CAMSAP3: variants seen among roughly 807,000 people sequenced by gnomAD.
CAMSAP3 encodes calmodulin regulated spectrin associated protein family member 3, also known as calmodulin-regulated spectrin-associated protein 3.
CAMSAP3 carries 34 observed loss-of-function variants against 112.5 expected under a neutral mutation model. That is an observed-to-expected ratio of 0.30 (90% CI 0.23 to 0.40). CAMSAP3 has a LOEUF of 0.40. Ranked by LOEUF, CAMSAP3 falls within the 10% of genes least tolerant of loss-of-function variation. CAMSAP3 has a pLI of 1.00. For missense variants in CAMSAP3, 1,602 were observed against 1,770.3 expected (o/e 0.90, Z 1.71); for synonymous variants, 868 against 799.8 (o/e 1.09, Z -1.44).
At chr19:7,609,891 G>A (rs2030386815) in intron 5 of CAMSAP3, among the ~76,000 whole-genome samples, 1 of 152,140 alleles carries the variant, frequency 6.6e-6, no homozygotes, top group Admixed American at 6.5e-5. Context: ...GACGGAAGCG[G>A]GGTTCGGGTG....
At position 7,612,784 on chromosome 19, in the gene CAMSAP3, C is replaced by T. The variant is rs1383674276; in HGVS notation, c.2291C>T (p.Pro764Leu). ...AASPSPARRV[P>L]ATRRSPGPGP... Reference sequence around the variant, plus strand: ...TCCCCCAGCCCCGCCCGGCGAGTCCCGGCCACCCGGCGCAGCCCTGGGCCC... The same window carrying T: ...TCCCCCAGCCCCGCCCGGCGAGTCCTGGCCACCCGGCGCAGCCCTGGGCCC... Residue 764 changes from proline (P) to leucine (L), a missense_variant, in exon 11 of 17, where the codon CCG (proline) becomes CTG (leucine). Pro to Leu is a moderately conservative substitution (Grantham distance 98). This residue lies in a region of CAMSAP3 where 1,100 missense variants were observed against 1,135.7 expected (regional missense o/e 0.97). Coordinates refer to ENST00000160298, the MANE Select transcript of CAMSAP3 (RefSeq NM_020902.2). 2.3e-5 allele frequency: 36 copies of T among 1,533,458 alleles called. No homozygotes were observed. The highest frequency in any genetic ancestry group is 4.2e-5 in the African/African-American group (3 of 71,930). The allele number at this position is 1,533,458 out of a possible 1,614,324, so 95.0% of individuals were successfully genotyped here.
chr19:7,611,441 GGTT>G lies in CAMSAP3; in HGVS notation c.1124-73_1124-71del. 7.1e-7 allele frequency: 1 copy of G among 1,399,998 alleles called. No individual in the cohort carries two copies. The allele number at this position is 1,399,998 out of a possible 1,614,324, so 86.7% of individuals were successfully genotyped here. On this transcript the variant is annotated intron_variant, in intron 9 of 16. Transcript: ENST00000160298. This position sits in a 1 kb window ranked among gnomAD's most constrained non-coding sequence, Gnocchi z 6.9. ...GTGACTCACCCAATGACCTTGCAGA[GGTT>G]GTCCCCAGATGCTGGCTGACCCCAC... is the stretch of plus-strand genomic sequence containing the variant.
At chr19:7,616,953 T>TTTG (rs1555763718) in intron 14 of CAMSAP3, among the ~76,000 whole-genome samples, 3,289 of 131,260 alleles carry the variant, frequency 0.025, 21 homozygotes, top group Non-Finnish European at 0.042. Context: ...TTTTTTTTTT[T>TTTG]TTTTTGTTTT....
At chr19:7,597,540 G>A (rs1368954185) in intron 1 of CAMSAP3, among the ~76,000 whole-genome samples, 1 of 152,174 alleles carries the variant, frequency 6.6e-6, no homozygotes, top group East Asian at 1.9e-4. Context: ...TATCTGTTTT[G>A]CGAATGTTTG....
chr19:7,618,186 T>TCTGA lies in CAMSAP3; in HGVS notation c.*132_*135dup. On this transcript the variant is annotated 3_prime_UTR_variant, in exon 17 of 17. Coordinates refer to ENST00000160298, the MANE Select transcript of CAMSAP3 (RefSeq NM_020902.2). ...CTGGGTGGGGCTGGAGTCTCCACCC[T>TCTGA]CTGACTTTGAGTCCAGTCCTGCTGT... 9.5e-7 allele frequency: 1 copy of TCTGA among 1,052,486 alleles called. No individual in the cohort carries two copies. Among genetic ancestry groups the TCTGA allele is most frequent in the Non-Finnish European group, 1.3e-6 (1 of 742,958 alleles). The allele number at this position is 1,052,486 out of a possible 1,614,324, so 65.2% of individuals were successfully genotyped here.
At chr19:7,606,140 C>CG in intron 2 of CAMSAP3, 131 bp from the exon 3 acceptor site, 11 of 451,816 alleles carry the variant, frequency 2.4e-5, no homozygotes, top group South Asian at 8.2e-5. Flanking sequence ...CCACTGGCCC[C>CG]GCCCCCTCAA....
At position 7,612,491 on chromosome 19, in the gene CAMSAP3, GC is replaced by G. The variant is rs2030552453; in HGVS notation, c.2001del (p.Ala668GlnfsTer15). On this transcript the variant is annotated frameshift_variant, in exon 11 of 17. Coordinates refer to ENST00000160298, the MANE Select transcript of CAMSAP3 (RefSeq NM_020902.2). LOFTEE classifies it high-confidence loss of function. ...DSGPVPGGER[P>X]AGEGQGEPTS... ...CCGGTCCAGTCCCTGGTGGGGAGCG[GC>G]CCGCAGGCGAGGGCCAGGGTGAGCC... The G allele has an allele frequency of 6.5e-7, 1 of 1,550,252 alleles. No homozygotes were observed.
chr19:7,606,898 G>T, intron 4 of CAMSAP3: 2 of 1,441,284 alleles, frequency 1.4e-6, no homozygotes, highest in South Asian at 1.1e-5. Context: ...CTGTCTGCGC[G>T]CCCTCTCATA....
chr19:7,599,724 A>T (rs1454419813), intron 1 of CAMSAP3, among the ~76,000 whole-genome samples: 1 of 84,820 alleles, frequency 1.2e-5, no homozygotes, highest in Admixed American at 1.5e-4. Context: ...ACACTCATCC[A>T]TCCACCCACC....
rs1475982826 is a variant in CAMSAP3 at position 7,612,553 on chromosome 19, A to C, written c.2060A>C (p.Asp687Ala). Reference protein sequence around the residue: ...SRPKAVTFSPDLGPVPHEGLG... With the variant: ...SRPKAVTFSPALGPVPHEGLG... Reference sequence around the variant, plus strand: ...CCCAAGGCAGTGACCTTCTCGCCAGACCTGGGCCCGGTGCCCCACGAGGGG... The same window carrying C: ...CCCAAGGCAGTGACCTTCTCGCCAGCCCTGGGCCCGGTGCCCCACGAGGGG... The change falls in exon 11 of 17, where the codon GAC becomes GCC. Residue 687 changes from aspartate to alanine, a missense_variant. By Grantham distance (126) the Asp-to-Ala change is moderately radical. Around this residue, in one of 6 missense-constraint regions of CAMSAP3, gnomAD observed 1,100 missense variants for 1,135.7 expected, o/e 0.97. Transcript: ENST00000160298. The C allele has an allele frequency of 1.3e-6, 2 of 1,535,740 alleles. No homozygotes were observed. Among genetic ancestry groups the C allele is most frequent in the Non-Finnish European group, 1.7e-6 (2 of 1,145,592 alleles).
At position 7,607,050 on chromosome 19, in the gene CAMSAP3, C is replaced by T. The variant is rs1378458650; in HGVS notation, c.621+479C>T. Reference sequence around the variant, plus strand: ...CCCCCAGCGAACTGATGGGTGGGGACGAACTTCCCCTCCCGTTATTCAGAA... The same window carrying T: ...CCCCCAGCGAACTGATGGGTGGGGATGAACTTCCCCTCCCGTTATTCAGAA... On this transcript the variant is annotated intron_variant, in intron 4 of 16. Transcript: ENST00000160298. The surrounding 1 kb of genome is among the most constrained non-coding windows in gnomAD (Gnocchi z 4.9). Among the ~76,000 whole-genome samples the T allele has an allele frequency of 6.6e-6, 1 of 151,998 alleles. No homozygotes were observed. Among genetic ancestry groups the T allele is most frequent in the African/African-American group, 2.4e-5 (1 of 41,380 alleles).
intron 1 of CAMSAP3, among the ~76,000 whole-genome samples, chr19:7,596,418 C>A (rs2146148569): frequency 6.6e-6 from 1 of 151,430 alleles, no homozygotes; most frequent in African/African-American, 2.4e-5. Flanking sequence ...GGCGTCCAAG[C>A]CTCCAGGTGA....
chr19:7,602,100 A>G (rs1218738400), intron 1 of CAMSAP3, among the ~76,000 whole-genome samples: 1 of 152,096 alleles, frequency 6.6e-6, no homozygotes, highest in African/African-American at 2.4e-5. Context: ...AGTTTATAGT[A>G]TAAGGCAGTG....
In CAMSAP3 at chr19:7,610,889, G is replaced by A. The variant is rs764938933; in HGVS notation, c.1007G>A (p.Arg336Gln). The part of the protein sequence containing the change: ...DLPDGHAASP[R>Q]GTEASPPQNN... ...CTCTGTACTGCAGCTGCCTCCCCCC[G>A]GGGCACTGAGGCCTCCCCACCTCAG... Residue 336 changes from arginine to glutamine, a missense_variant, in exon 8 of 17, where the codon CGG (arginine) becomes CAG (glutamine). By Grantham distance (43) the Arg-to-Gln change is conservative. Transcript: ENST00000160298. The surrounding 1 kb of genome is among the most constrained non-coding windows in gnomAD (Gnocchi z 4.9). The A allele has an allele frequency of 1.6e-5, 25 of 1,593,944 alleles. No individual in the cohort carries two copies. In the South Asian group the frequency reaches 1.9e-4, roughly 12 times the overall value.
Position 7,599,054 on chromosome 19 carries a change from C to T in CAMSAP3, c.148+2904C>T, listed in dbSNP as rs531869091. 6.2e-4 allele frequency among the ~76,000 whole-genome samples: 94 copies of T among 151,940 alleles called. 1 individual carries two copies. Among genetic ancestry groups the T allele is most frequent in the Admixed American group, 1.3e-3 (20 of 15,248 alleles). ...GGTGTGGTGGCATGGGCTTGTAGTC[C>T]CAGCTACTCAGGAGGCTGAGGCAGG... On this transcript the variant is annotated intron_variant, in intron 1 of 16. Transcript: ENST00000160298.
At position 7,605,348 on chromosome 19, in the gene CAMSAP3, G is replaced by A; in HGVS notation, c.271G>A (p.Ala91Thr). Residue 91 changes from alanine (A) to threonine (T), a missense_variant, in exon 2 of 17, where the codon GCA (alanine) becomes ACA (threonine). This residue lies in a region of CAMSAP3 where 147 missense variants were observed against 144.6 expected (regional missense o/e 1.02). Coordinates refer to ENST00000160298, the MANE Select transcript of CAMSAP3 (RefSeq NM_020902.2). ...AELYCRAWRQ[A>T]LPQLETPPNP... ...GCTCTACTGCAGAGCCTGGCGCCAG[G>A]CACTGCCACAGCTTGAAACACCCCC... 1.2e-6 allele frequency: 2 copies of A among 1,607,974 alleles called. No homozygotes were observed. The highest frequency in any genetic ancestry group is 2.2e-5 in the East Asian group (1 of 44,490).
At position 7,612,673 on chromosome 19, in the gene CAMSAP3, T is replaced by C; in HGVS notation, c.2180T>C (p.Leu727Pro). Residue 727 changes from leucine to proline, a missense_variant, in exon 11 of 17, where the codon CTC becomes CCC. Transcript: ENST00000160298. ...MQRLTDQQQR[L>P]LAPPEAPGSA... is the part of the protein sequence containing the mutation. ...AGGCTCACGGACCAGCAGCAGCGGC[T>C]CCTGGCCCCGCCCGAGGCCCCCGGA... is the stretch of plus-strand genomic sequence containing the variant. 1 of 1,511,896 alleles carries C rather than the reference T, an allele frequency of 6.6e-7. No individual in the cohort carries two copies. 93.7% of individuals were successfully genotyped at this position (1,511,896 alleles called of 1,614,324 possible). A position where few individuals can be genotyped will look rare whatever the true frequency, so the allele number is the denominator to read the frequency against.
In CAMSAP3 at chr19:7,612,372, A is replaced by C; in HGVS notation, c.1879A>C (p.Lys627Gln). The C allele has an allele frequency of 6.2e-7, 1 of 1,600,882 alleles. No homozygotes were observed. Among genetic ancestry groups the C allele is most frequent in the Non-Finnish European group, 8.5e-7 (1 of 1,176,538 alleles). ...QKRRIEAIFA[K>Q]HRQRLGKSAF... ...GCGACGGATTGAGGCCATATTCGCC[A>C]AGCACCGCCAGCGGCTGGGCAAAAG... Residue 627 changes from lysine to glutamine, a missense_variant, in exon 11 of 17, where the codon AAG becomes CAG. This residue lies in a region of CAMSAP3 where 1,100 missense variants were observed against 1,135.7 expected (regional missense o/e 0.97). Transcript: ENST00000160298.
In CAMSAP3 at chr19:7,603,078, G is replaced by C. The variant is rs138980802; in HGVS notation, c.149-2148G>C. ...CGGTCCAGTGTGGTTTTAGAAGGTGGGAAAGGAGCCAGGACAGGGAGGGAC... is the reference window on the plus strand; with the variant it reads ...CGGTCCAGTGTGGTTTTAGAAGGTGCGAAAGGAGCCAGGACAGGGAGGGAC... On this transcript the variant is annotated intron_variant, in intron 1 of 16. Transcript: ENST00000160298. Among the ~76,000 whole-genome samples the C allele has an allele frequency of 4.5e-3, 690 of 152,274 alleles. 5 individuals are homozygous for C. Among genetic ancestry groups the C allele is most frequent in the African/African-American group, 0.016 (650 of 41,552 alleles).
Sources: allele counts gnomAD v4.1 joint callset (sites outside exome capture counted in the v4.1 genomes callset), GRCh38; gene constraint gnomAD v4.1.1; regional missense constraint gnomAD v4.1.1; non-coding constraint Gnocchi (gnomAD v3.1); transcripts MANE v1.5; gene names NCBI Gene and HGNC (gene_info 2026-07-23, HGNC 2026-07-21).